PCDH15: variants seen among roughly 807,000 people sequenced by gnomAD.
The protein encoded by PCDH15 is protocadherin-15.
A neutral mutation model predicts 178.5 loss-of-function variants in PCDH15; 129 were observed. The observed-to-expected ratio is 0.72, with a 90% CI of 0.63 to 0.84. The LOEUF (loss-of-function observed/expected upper bound fraction) is 0.84. PCDH15 is among the 40% of genes least tolerant of loss of function. The probability of loss-of-function intolerance (pLI) is 0.00; values close to 1 mark genes in which losing one functional copy is unlikely to be tolerated. For synonymous variants in PCDH15, 800 were observed against 732.0 expected (o/e 1.09, Z -1.50); for missense variants, 2,230 against 2,099.9 (o/e 1.06, Z -1.21).
At chr10:53,808,190 C>T (rs17704709) in intron 37 of PCDH15, 28,975 of 154,738 alleles carry the variant, frequency 0.19, 3,281 homozygotes, top group Non-Finnish European at 0.27. Flanking sequence ...TGAACATGTT[C>T]ATGATAGTTT....
At chr10:53,985,390 T>C (rs1361039693) in intron 21 of PCDH15, among the ~76,000 whole-genome samples, 1 of 152,138 alleles carries the variant, frequency 6.6e-6, no homozygotes, top group Non-Finnish European at 1.5e-5. Flanking sequence ...TGTTAGAAAG[T>C]TCATAATATG....
chr10:55,113,033 T>C (rs2132058061), intron 2 of PCDH15, among the ~76,000 whole-genome samples: 1 of 152,266 alleles, frequency 6.6e-6, no homozygotes, highest in Non-Finnish European at 1.5e-5. Flanking sequence ...CACCAAGAAC[T>C]TGGAACTGCA....
chr10:54,023,973 A>T (rs1456482733), intron 18 of PCDH15, among the ~76,000 whole-genome samples: 1 of 152,068 alleles, frequency 6.6e-6, no homozygotes, highest in Non-Finnish European at 1.5e-5. Flanking sequence ...TCCAAAAGTC[A>T]AATAGGATTA....
At chr10:55,163,599 T>G (rs1290165580) in intron 2 of PCDH15, among the ~76,000 whole-genome samples, 1 of 152,076 alleles carries the variant, frequency 6.6e-6, no homozygotes, top group Non-Finnish European at 1.5e-5. Context: ...AACCCAGCTG[T>G]TAAAACAGAT....
chr10:53,850,644 T>C (rs1032339431), intron 28 of PCDH15, among the ~76,000 whole-genome samples: 6 of 152,172 alleles, frequency 3.9e-5, no homozygotes, highest in Non-Finnish European at 5.9e-5. Flanking sequence ...TGTATTTTAT[T>C]TTTATGATTG....
intron 3 of PCDH15, among the ~76,000 whole-genome samples, chr10:54,882,001 T>C (rs1373348015): frequency 1.3e-5 from 2 of 152,148 alleles, no homozygotes; most frequent in East Asian, 1.9e-4. Flanking sequence ...TTTTCTGTTT[T>C]GTTCCCATCT....
intron 2 of PCDH15, among the ~76,000 whole-genome samples, chr10:54,897,874 T>TAAA (rs1954571653): frequency 6.6e-6 from 1 of 152,194 alleles, no homozygotes; most frequent in Non-Finnish European, 1.5e-5. Context: ...TACCTAAAAC[T>TAAA]GAGCAATAAA....
chr10:55,087,990 TTATC>T (rs1842217151), intron 2 of PCDH15, among the ~76,000 whole-genome samples: 1 of 152,034 alleles, frequency 6.6e-6, no homozygotes, highest in Non-Finnish European at 1.5e-5. Context: ...ATCAAGTTAA[TTATC>T]TACACATGTT....
intron 2 of PCDH15, among the ~76,000 whole-genome samples, chr10:55,598,049 C>G (rs757193925): frequency 1.3e-5 from 2 of 152,090 alleles, no homozygotes; most frequent in East Asian, 1.9e-4. Context: ...CACACCCCTA[C>G]GGGAAACAGC....
At chr10:54,017,643 G>C (rs2092783286) in intron 20 of PCDH15, among the ~76,000 whole-genome samples, 1 of 151,932 alleles carries the variant, frequency 6.6e-6, no homozygotes, top group Admixed American at 6.6e-5. Context: ...GAAATTGGGT[G>C]GGGTAGGAAG....
chr10:54,568,202 G>T (rs2089308287), intron 2 of PCDH15, among the ~76,000 whole-genome samples: 2 of 151,692 alleles, frequency 1.3e-5, no homozygotes, highest in South Asian at 2.1e-4. Context: ...TGTTAGTAAG[G>T]CCTGTGAATT....
intron 2 of PCDH15, among the ~76,000 whole-genome samples, chr10:54,604,476 T>C (rs2092665961): frequency 1.3e-5 from 2 of 152,052 alleles, no homozygotes; most frequent in Admixed American, 1.3e-4. Flanking sequence ...ACATTTACAA[T>C]AGTTATATCT....
intron 2 of PCDH15, among the ~76,000 whole-genome samples, chr10:54,585,034 T>A (rs988877167): frequency 4.6e-5 from 7 of 152,126 alleles, no homozygotes; most frequent in East Asian, 1.9e-4. Context: ...ATTGTACATA[T>A]AAAGTCTTCT....
chr10:55,464,807 A>C lies in PCDH15; in HGVS notation c.-156+162818T>G, dbSNP rs926338119. Among the ~76,000 whole-genome samples, 4 of 150,402 alleles carry C rather than the reference A, an allele frequency of 2.7e-5. No homozygotes were observed. In the East Asian group the frequency reaches 7.8e-4, roughly 29 times the overall value. Reference sequence around the variant, plus strand: ...CTCCAAGGTAGTCATATTGTACTTAAGCACTTTATTTCATTTTAACCCTAC... The same window carrying C: ...CTCCAAGGTAGTCATATTGTACTTACGCACTTTATTTCATTTTAACCCTAC... On this transcript the variant is annotated intron_variant, in intron 2 of 5. Coordinates refer to the PCDH15 transcript ENST00000613346.
At chr10:55,483,985 A>T (rs544752183) in intron 2 of PCDH15, among the ~76,000 whole-genome samples, 1 of 151,848 alleles carries the variant, frequency 6.6e-6, no homozygotes, top group Admixed American at 6.6e-5. Flanking sequence ...AATGAATGAC[A>T]TCGTGTCCTT....
chr10:55,528,906 A>G (rs1841377510), intron 2 of PCDH15, among the ~76,000 whole-genome samples: 1 of 152,040 alleles, frequency 6.6e-6, no homozygotes, highest in African/African-American at 2.4e-5. Flanking sequence ...CTGACTTTTT[A>G]ATGATTGCCA....
intron 23 of PCDH15, among the ~76,000 whole-genome samples, chr10:53,942,942 GATCAAGATACATACTACTT>G (rs2086199857): frequency 1.3e-5 from 2 of 152,232 alleles, no homozygotes; most frequent in South Asian, 4.1e-4. Flanking sequence ...ATTTATGACA[GATCAAGATACATACTACTT>G]ATCAAAAGTT....
intron 2 of PCDH15, among the ~76,000 whole-genome samples, chr10:55,434,813 C>G (rs1016802265): frequency 6.6e-6 from 1 of 152,012 alleles, no homozygotes; most frequent in South Asian, 2.1e-4. Context: ...ACCATATTGG[C>G]CAGGCTGGTC....
At chr10:53,856,141 A>G (rs546260981) in intron 28 of PCDH15, among the ~76,000 whole-genome samples, 11 of 151,392 alleles carry the variant, frequency 7.3e-5, no homozygotes, top group Non-Finnish European at 1.5e-4. Flanking sequence ...GGTGGGATGG[A>G]GGTGAGGGAT....
Sources: gnomAD v4.1 joint callset for allele counts (sites outside exome capture counted in the v4.1 genomes callset) on GRCh38, gnomAD v4.1.1 for gene constraint, MANE v1.5 for transcripts, NCBI Gene and HGNC (gene_info 2026-07-23, HGNC 2026-07-21) for gene names.